The following CNTLN variants were observed in gnomAD, a reference collection of about 807,000 sequenced individuals.
CNTLN encodes centlein, also known as centlein, centrosomal protein.
In CNTLN, 212 loss-of-function variants were observed where a neutral mutation model predicts 180.0. The observed-to-expected ratio is 1.18, with a 90% CI of 1.05 to 1.32. The LOEUF is 1.32. Among genes scored for constraint, CNTLN ranks in the 40% most tolerant of loss-of-function variants. The pLI, the probability that CNTLN is intolerant of heterozygous loss-of-function variation, is 0.00. For missense variants in CNTLN, 2,095 were observed against 1,610.9 expected (o/e 1.30, Z -5.14); for synonymous variants, 722 against 563.1 (o/e 1.28, Z -3.99).
intron 12 of CNTLN, among the ~76,000 whole-genome samples, chr9:17,348,855 A>G (rs1344233264): frequency 6.6e-6 from 1 of 152,074 alleles, no homozygotes; most frequent in Non-Finnish European, 1.5e-5. Context: ...TTGACGGAGC[A>G]TGGCTGCTTT....
intron 5 of CNTLN, among the ~76,000 whole-genome samples, chr9:17,269,821 GACC>G (rs1195360848): frequency 4.6e-5 from 7 of 152,016 alleles, no homozygotes; most frequent in Non-Finnish European, 1.0e-4. Flanking sequence ...TTTGGTTCTA[GACC>G]ACCACAATAA....
intron 15 of CNTLN, among the ~76,000 whole-genome samples, chr9:17,406,988 G>A (rs1482525101): frequency 6.7e-6 from 1 of 148,354 alleles, no homozygotes; most frequent in African/African-American, 2.6e-5. Context: ...TTGAATTTCT[G>A]CTAAGTTTTG....
the CNTLN span, among the ~76,000 whole-genome samples, chr9:17,510,252 G>C: frequency 6.6e-6 from 1 of 152,110 alleles, no homozygotes; most frequent in East Asian, 1.9e-4. Context: ...GTTGAAGAAA[G>C]TTGTTAGAAA....
intron 13 of CNTLN, 112 bp downstream of exon 13, chr9:17,366,829 C>T: frequency 1.6e-6 from 1 of 621,348 alleles, no homozygotes; most frequent in Non-Finnish European, 2.8e-6. Flanking sequence ...TCTTTTCCAA[C>T]ACTTTATTCA....
rs1826394985 is a variant in CNTLN, at chr9:17,394,912, G to A, written c.2458G>A (p.Asp820Asn). 6.2e-7 allele frequency: 1 copy of A among 1,613,976 alleles called. No individual in the cohort carries two copies. Among genetic ancestry groups the A allele is most frequent in the African/African-American group, 1.3e-5 (1 of 74,916 alleles). Residue 820 changes from aspartate to asparagine, a missense_variant, in exon 15 of 26, where the codon GAT becomes AAT. By Grantham distance (23) the Asp-to-Asn change is conservative. Coordinates refer to ENST00000380647, the MANE Select transcript of CNTLN (RefSeq NM_017738.4). ...CATGAAAGTGAGATCTGGACGATAT[G>A]ATTGTAAGACAACTATGACCAAGGT... ...ATMKVRSGRYDCKTTMTKVKF... is the reference protein window; with the variant it reads ...ATMKVRSGRYNCKTTMTKVKF...
intron 13 of CNTLN, among the ~76,000 whole-genome samples, chr9:17,381,287 A>G (rs1197321240): frequency 6.6e-6 from 1 of 152,242 alleles, no homozygotes; most frequent in East Asian, 1.9e-4. Flanking sequence ...CTCTAGAAGT[A>G]CTGGAACTTA....
At chr9:17,484,738 CT>C (rs1293571182) in intron 24 of CNTLN, among the ~76,000 whole-genome samples, 2 of 151,898 alleles carry the variant, frequency 1.3e-5, no homozygotes, top group Non-Finnish European at 2.9e-5. Context: ...TTATTCTTTC[CT>C]ATCTCCTCCA....
At chr9:17,328,203 G>T (rs10810759) in intron 8 of CNTLN, among the ~76,000 whole-genome samples, 6 of 152,046 alleles carry the variant, frequency 3.9e-5, no homozygotes, top group Admixed American at 3.9e-4. Context: ...AGCATAATTA[G>T]AAGTAAATTA....
In CNTLN at chr9:17,502,547, A is replaced by T; in HGVS notation, c.4120-4A>T. 1 of 1,308,362 alleles carries T rather than the reference A, an allele frequency of 7.6e-7. No homozygotes were observed. 81.0% of individuals were successfully genotyped at this position (1,308,362 alleles called of 1,614,324 possible). ...TAATAATCTTTTTTGTGTTTCTTTTACAGCTTCCTTTTGCCTCATATTTAC... is the reference window on the plus strand; with the variant it reads ...TAATAATCTTTTTTGTGTTTCTTTTTCAGCTTCCTTTTGCCTCATATTTAC... On this transcript the variant is annotated splice_region_variant and splice_polypyrimidine_tract_variant and intron_variant, in intron 25 of 25. Transcript: ENST00000380647.
chr9:17,517,609 G>C, the CNTLN span, among the ~76,000 whole-genome samples: 16 of 151,922 alleles, frequency 1.1e-4, no homozygotes, highest in African/African-American at 3.9e-4. Flanking sequence ...ATAGTTTGGA[G>C]TTAGGCTGCC....
At chr9:17,440,146 T>C (rs1034398649) in intron 18 of CNTLN, among the ~76,000 whole-genome samples, 12 of 152,158 alleles carry the variant, frequency 7.9e-5, no homozygotes, top group African/African-American at 2.7e-4. Context: ...AGAGAAATTG[T>C]AACCTTCATA....
At chr9:17,279,450 A>T (rs1828522163) in intron 6 of CNTLN, among the ~76,000 whole-genome samples, 1 of 152,154 alleles carries the variant, frequency 6.6e-6, no homozygotes, top group Non-Finnish European at 1.5e-5. Context: ...CAGTGAAATG[A>T]GAGGCTTTGC....
chr9:17,208,761 A>C (rs1823092037), intron 2 of CNTLN, among the ~76,000 whole-genome samples: 1 of 152,142 alleles, frequency 6.6e-6, no homozygotes, highest in African/African-American at 2.4e-5. Context: ...AGTTGCTCAT[A>C]GTAGCTGCTA....
chr9:17,523,400 C>G, the CNTLN span, among the ~76,000 whole-genome samples: 257 of 152,130 alleles, frequency 1.7e-3, 1 homozygote, highest in African/African-American at 5.8e-3. Flanking sequence ...CCACACCTGT[C>G]TAATTTTTGT....
intron 3 of CNTLN, among the ~76,000 whole-genome samples, chr9:17,230,561 T>G (rs890303581): frequency 6.6e-6 from 1 of 151,908 alleles, no homozygotes; most frequent in Non-Finnish European, 1.5e-5. Flanking sequence ...GTGCTAGAGT[T>G]GGGTATTTCC....
At chr9:17,260,262 C>T (rs1001879153) in intron 5 of CNTLN, among the ~76,000 whole-genome samples, 1 of 150,046 alleles carries the variant, frequency 6.7e-6, no homozygotes, top group Non-Finnish European at 1.5e-5. Flanking sequence ...GCAGGTTGTT[C>T]AGTTTCCATG....
intron 18 of CNTLN, among the ~76,000 whole-genome samples, chr9:17,439,967 T>G (rs1830009183): frequency 6.6e-6 from 1 of 152,142 alleles, no homozygotes; most frequent in South Asian, 2.1e-4. Context: ...CTATGATAAT[T>G]TATTATAGCA....
At chr9:17,166,586 C>G (rs1313868074) in intron 2 of CNTLN, among the ~76,000 whole-genome samples, 1 of 151,976 alleles carries the variant, frequency 6.6e-6, no homozygotes, top group Non-Finnish European at 1.5e-5. Context: ...ATCATGAAAC[C>G]TCTTAGAGGG....
intron 13 of CNTLN, 90 bp downstream of exon 13, chr9:17,366,807 AC>A: frequency 1.3e-6 from 1 of 744,102 alleles, no homozygotes; most frequent in Non-Finnish European, 2.3e-6. Flanking sequence ...TAAGAATCTT[AC>A]CCTTTTTGTT....
Sources: allele counts gnomAD v4.1 joint callset (sites outside exome capture counted in the v4.1 genomes callset), GRCh38; gene constraint gnomAD v4.1.1; transcripts MANE v1.5; gene names NCBI Gene and HGNC (gene_info 2026-07-23, HGNC 2026-07-21).